LPO: variants seen among roughly 807,000 people sequenced by gnomAD.
The protein encoded by LPO is lactoperoxidase, also known as salivary peroxidase.
In LPO, 70 loss-of-function variants were observed where a neutral mutation model predicts 68.4. The ratio of observed to expected loss-of-function variants is 1.02; its 90% confidence interval spans 0.84 to 1.25. The LOEUF (loss-of-function observed/expected upper bound fraction) is 1.25. Among genes scored for constraint, LPO ranks in the 50% most tolerant of loss-of-function variants. The pLI is 0.00. For synonymous variants in LPO, 360 were observed against 357.6 expected, an observed-to-expected ratio of 1.01 and a Z score of -0.08; for missense variants, 873 against 908.4, an observed-to-expected ratio of 0.96 and a Z score of 0.50.
At chr17:58,252,099 C>A (rs1969968298) in intron 7 of LPO, 83 bp from the exon 8 acceptor site, 1 of 1,299,544 alleles carries the variant, frequency 7.7e-7, no homozygotes, top group African/African-American at 1.4e-5. Flanking sequence ...AGCATCTTTG[C>A]ATCCAGACTT....
rs753046919 is a variant in LPO at position 58,267,777 on chromosome 17, G to C, written c.1932-10G>C. 5 of 1,613,250 alleles carry C rather than the reference G, an allele frequency of 3.1e-6. No individual in the cohort carries two copies. In the South Asian group the frequency reaches 4.4e-5, roughly 14 times the overall value. On this transcript the variant is annotated splice_polypyrimidine_tract_variant and intron_variant, in intron 12 of 12. Coordinates refer to ENST00000262290, the MANE Select transcript of LPO (RefSeq NM_006151.3). Reference sequence around the variant, plus strand: ...CAGACTGTGGAGTGACTCTACTTCTGTCTCTGCAGGTTCTGGTGGGAAAAC... The same window carrying C: ...CAGACTGTGGAGTGACTCTACTTCTCTCTCTGCAGGTTCTGGTGGGAAAAC...
At chr17:58,243,582 TTAC>T (rs1969798055) in intron 2 of LPO, 1 of 254,124 alleles carries the variant, frequency 3.9e-6, no homozygotes, top group South Asian at 5.8e-5. Flanking sequence ...AATCCCACCA[TTAC>T]TCTCATGCCA....
intron 9 of LPO, among the ~76,000 whole-genome samples, chr17:58,257,133 C>G (rs1047745550): frequency 6.6e-6 from 1 of 151,468 alleles, no homozygotes; most frequent in Non-Finnish European, 1.5e-5. Context: ...AGGGTTTCAC[C>G]GTGTTGGCCA....
At chr17:58,266,400 A>G in intron 11 of LPO, 74 bp downstream of exon 11, 3 of 1,480,026 alleles carry the variant, frequency 2.0e-6, no homozygotes, top group Non-Finnish European at 2.8e-6. Flanking sequence ...ACTCTCTTCT[A>G]TAACCCTGAG....
At chr17:58,243,721 A>T (rs1300706894) in intron 2 of LPO, 1 of 514,336 alleles carries the variant, frequency 1.9e-6, no homozygotes, top group African/African-American at 1.9e-5. Flanking sequence ...AGCCACCCTG[A>T]GTGGCCACAC....
Position 58,266,249 on chromosome 17 carries a change from T to C in LPO, c.1616T>C (p.Phe539Ser). 6.2e-7 allele frequency: 1 copy of C among 1,614,150 alleles called. No individual in the cohort carries two copies. The highest frequency in any genetic ancestry group is 8.5e-7 in the Non-Finnish European group (1 of 1,180,034). The part of the protein sequence containing the change: ...MMTGELRNKL[F>S]QPTHRIHGFD... Reference sequence around the variant, plus strand: ...ACTGGAGAGCTGCGCAACAAGCTTTTCCAGCCAACTCACAGGATCCATGGC... The same window carrying C: ...ACTGGAGAGCTGCGCAACAAGCTTTCCCAGCCAACTCACAGGATCCATGGC... The change falls in exon 11 of 13, where the codon TTC (phenylalanine) becomes TCC (serine). Residue 539 changes from phenylalanine to serine, a missense_variant. Phe to Ser is a radical substitution (Grantham distance 155, BLOSUM62 -2). Coordinates refer to ENST00000262290, the MANE Select transcript of LPO (RefSeq NM_006151.3).
Position 58,268,182 on chromosome 17 carries a change from C to G in LPO, c.*188C>G, listed in dbSNP as rs1970311807. ...TGCCTCGGCCCTCCCAGCTCTTACA[C>G]TCAGCTCCAGTGGCTTCTCCTTTCT... On this transcript the variant is annotated 3_prime_UTR_variant, in exon 13 of 13. Coordinates refer to ENST00000262290, the MANE Select transcript of LPO (RefSeq NM_006151.3). 1 of 604,056 alleles carries G rather than the reference C, an allele frequency of 1.7e-6. No individual in the cohort carries two copies. Among genetic ancestry groups the G allele is most frequent in the Non-Finnish European group, 2.9e-6 (1 of 342,826 alleles). 37.4% of individuals were successfully genotyped at this position (604,056 alleles called of 1,614,324 possible).
chr17:58,249,405 G>A, intron 5 of LPO, 161 bp from the exon 6 acceptor site: 3 of 1,165,946 alleles, frequency 2.6e-6, no homozygotes, highest in Non-Finnish European at 3.5e-6. Flanking sequence ...GGAGCCCCGC[G>A]CCTTCAGGGG....
chr17:58,246,565 T>C (rs752056610), intron 3 of LPO, among the ~76,000 whole-genome samples: 4 of 152,070 alleles, frequency 2.6e-5, no homozygotes, highest in Non-Finnish European at 5.9e-5. Flanking sequence ...AGAGGAAGCA[T>C]GCAGAGCCCA....
intron 7 of LPO, 67 bp from the exon 8 acceptor site, chr17:58,252,114 TG>T: frequency 6.8e-7 from 1 of 1,466,106 alleles, no homozygotes; most frequent in Non-Finnish European, 9.5e-7. Flanking sequence ...AGACTTGCCC[TG>T]GGGAGAGGTT....
At chr17:58,242,026 C>T (rs535784528) in intron 1 of LPO, among the ~76,000 whole-genome samples, 1 of 152,272 alleles carries the variant, frequency 6.6e-6, no homozygotes, top group East Asian at 1.9e-4. Context: ...CACCAGTGAA[C>T]GCCGTGCTGC....
At chr17:58,241,028 T>C (rs1314355093) in intron 1 of LPO, among the ~76,000 whole-genome samples, 2 of 152,076 alleles carry the variant, frequency 1.3e-5, no homozygotes, top group African/African-American at 4.8e-5. Flanking sequence ...CATGTGAATA[T>C]ACCTAACATT....
intron 7 of LPO, chr17:58,251,660 A>G: frequency 2.8e-6 from 1 of 353,566 alleles, no homozygotes; most frequent in East Asian, 7.4e-5. Context: ...TCTGAATCCT[A>G]CATCTTTCCC....
At position 58,266,167 on chromosome 17, in the gene LPO, C is replaced by G; in HGVS notation, c.1534C>G (p.Leu512Val). ...TCCCTTGGCAGGTGGAATTGATCCTCTGGTGCGGGGCCTGCTGGCCAAGAA... is the reference window on the plus strand; with the variant it reads ...TCCCTTGGCAGGTGGAATTGATCCTGTGGTGCGGGGCCTGCTGGCCAAGAA... ...RMVKDGGIDP[L>V]VRGLLAKKSK... Residue 512 changes from leucine (L) to valine (V), a missense_variant, in exon 11 of 13, where the codon CTG becomes GTG. Coordinates refer to ENST00000262290, the MANE Select transcript of LPO (RefSeq NM_006151.3). 1 of 1,614,042 alleles carries G rather than the reference C, an allele frequency of 6.2e-7. No individual in the cohort carries two copies. Among genetic ancestry groups the G allele is most frequent in the Non-Finnish European group, 8.5e-7 (1 of 1,179,956 alleles).
At chr17:58,242,447 T>C (rs999890513) in intron 1 of LPO, among the ~76,000 whole-genome samples, 3 of 152,156 alleles carry the variant, frequency 2.0e-5, no homozygotes, top group Non-Finnish European at 4.4e-5. Flanking sequence ...CTCTCAGGCA[T>C]TCTCTCCTGG....
At position 58,252,227 on chromosome 17, in the gene LPO, C is replaced by A; in HGVS notation, c.826C>A (p.Pro276Thr). ...GGCGGGGACTCAAGGGAAATGCATG[C>A]CTTTCTTCCGAGCTGGGTTCGTCTG... The part of the protein sequence containing the change: ...PKAGTQGKCM[P>T]FFRAGFVCPT... Residue 276 changes from proline to threonine, a missense_variant, in exon 8 of 13, where the codon CCT (proline) becomes ACT (threonine). Transcript: ENST00000262290. 6.2e-7 allele frequency: 1 copy of A among 1,614,182 alleles called. No individual in the cohort carries two copies. Among genetic ancestry groups the A allele is most frequent in the African/African-American group, 1.3e-5 (1 of 75,028 alleles).
At chr17:58,247,705 C>A in intron 4 of LPO, 67 bp downstream of exon 4, 1 of 1,540,370 alleles carries the variant, frequency 6.5e-7, no homozygotes, top group Non-Finnish European at 8.8e-7. Flanking sequence ...AAGCAGAGGC[C>A]ACCCAAAGCT....
At chr17:58,264,673 G>C (rs1970225778) in intron 9 of LPO, 49 bp from the exon 10 acceptor site, 2 of 1,605,692 alleles carry the variant, frequency 1.2e-6, no homozygotes, top group Non-Finnish European at 8.5e-7. Flanking sequence ...CCTCTGCAGA[G>C]GTTTAAACCT....
Position 58,249,104 on chromosome 17 carries a change from G to A in LPO, c.370G>A (p.Gly124Ser), listed in dbSNP as rs766496025. Residue 124 changes from glycine (G) to serine (S), a missense_variant, in exon 5 of 13, where the codon GGT becomes AGT. Physicochemically the swap from Gly to Ser is moderately conservative, Grantham distance 56 (BLOSUM62 0). Transcript: ENST00000262290. ...LTSLSLEVGC[G>S]APAPVVRCDP... ...TTCACTGTCTCTGGAGGTGGGCTGT[G>A]GTGCTCCTGCTCCCGTGGTGAGATG... The A allele has an allele frequency of 3.7e-6, 6 of 1,614,182 alleles. No homozygotes were observed. The highest frequency in any genetic ancestry group is 4.2e-6 in the Non-Finnish European group (5 of 1,180,032).
Sources: allele counts gnomAD v4.1 joint callset (sites outside exome capture counted in the v4.1 genomes callset), GRCh38; gene constraint gnomAD v4.1.1; transcripts MANE v1.5; gene names NCBI Gene and HGNC (gene_info 2026-07-23, HGNC 2026-07-21).